The following DLGAP1 variants were observed in gnomAD, a reference collection of about 807,000 sequenced individuals.
DLGAP1 encodes DLG associated protein 1, also known as disks large-associated protein 1.
A neutral mutation model predicts 90.8 loss-of-function variants in DLGAP1; 11 were observed. That is an observed-to-expected ratio of 0.12 (90% CI 0.08 to 0.20). DLGAP1 has a LOEUF of 0.20. Among genes scored for constraint, DLGAP1 ranks in the 10% least tolerant of loss-of-function variants. The pLI, the probability that DLGAP1 is intolerant of heterozygous loss-of-function variation, is 1.00. For missense variants in DLGAP1, 1,050 were observed against 1,333.8 expected (o/e 0.79, Z 3.31); for synonymous variants, 558 against 540.7 (o/e 1.03, Z -0.44).
In DLGAP1 at chr18:3,900,780, T is replaced by C. The variant is rs796852111; in HGVS notation, c.-72-20640A>G. On this transcript the variant is annotated intron_variant, in intron 3 of 12. Coordinates refer to ENST00000315677, the MANE Select transcript of DLGAP1 (RefSeq NM_004746.4). ...TATTTTCTTCAATGTGGGAGTTTGA[T>C]GTAACAGAATCCCGCCTTTGGATAT... Among the ~76,000 whole-genome samples, 5 of 152,322 alleles carry C rather than the reference T, an allele frequency of 3.3e-5. No individual in the cohort carries two copies. In the South Asian group the frequency reaches 8.3e-4, roughly 25 times the overall value.
At chr18:3,600,983 TATAGATATATAGATATATAGATATAG>T (rs1326786647) in intron 7 of DLGAP1, among the ~76,000 whole-genome samples, 7 of 76,024 alleles carry the variant, frequency 9.2e-5, no homozygotes, top group African/African-American at 1.3e-4. Context: ...GATATATAGA[TATAGATATATAGATATATAGATATAG>T]ATAGATATAT....
chr18:4,017,220 C>T (rs1366673580), intron 2 of DLGAP1, among the ~76,000 whole-genome samples: 1 of 152,186 alleles, frequency 6.6e-6, no homozygotes, highest in Non-Finnish European at 1.5e-5. Context: ...TTCCCTCACT[C>T]CTCCTTCTCT....
rs772484056 is a variant in DLGAP1, at chr18:3,561,383, CCAAGATCCTGCCACTATACT to C, written c.2057+6087_2057+6106del. Among the ~76,000 whole-genome samples, 952 of 141,078 alleles carry C rather than the reference CCAAGATCCTGCCACTATACT, an allele frequency of 6.7e-3. 9 individuals carry two copies. Among genetic ancestry groups the C allele is most frequent in the Non-Finnish European group, 0.011 (755 of 67,074 alleles). 92.6% of individuals were successfully genotyped at this position (141,078 alleles called of 152,430 possible). On this transcript the variant is annotated intron_variant, in intron 9 of 12. Transcript: ENST00000315677. ...CCTGGGAGGTGGAGGTTGCAGTGAG[CCAAGATCCTGCCACTATACT>C]CCTTCCTGGGCGACAGAGCAAGACT...
chr18:4,071,648 C>T (rs373959335), intron 2 of DLGAP1, among the ~76,000 whole-genome samples: 193 of 152,210 alleles, frequency 1.3e-3, no homozygotes, highest in Non-Finnish European at 2.1e-3. Flanking sequence ...TCACAATGTA[C>T]GATAATGACA....
At chr18:3,519,423 C>T (rs629516) in intron 10 of DLGAP1, among the ~76,000 whole-genome samples, 111,310 of 152,060 alleles carry the variant, frequency 0.73, 40,872 homozygotes, top group Admixed American at 0.8. Flanking sequence ...TGGTTACCTC[C>T]CTCTCTAACT....
intron 12 of DLGAP1, among the ~76,000 whole-genome samples, chr18:3,501,518 C>G (rs148198546): frequency 1.4e-4 from 21 of 152,288 alleles, no homozygotes; most frequent in East Asian, 1.4e-3. Context: ...CTGTCACTTA[C>G]AGATGGTCCC....
At chr18:3,602,089 G>A (rs1374300274) in intron 7 of DLGAP1, among the ~76,000 whole-genome samples, 1 of 152,106 alleles carries the variant, frequency 6.6e-6, no homozygotes, top group African/African-American at 2.4e-5. Context: ...TGGCAGCTCC[G>A]TGCTATGTAC....
At chr18:4,257,229 T>C (rs952188206) in intron 1 of DLGAP1, among the ~76,000 whole-genome samples, 5 of 152,066 alleles carry the variant, frequency 3.3e-5, no homozygotes, top group Non-Finnish European at 5.9e-5. Flanking sequence ...GTGAGAGAAA[T>C]ATTGAGTGAA....
intron 4 of DLGAP1, among the ~76,000 whole-genome samples, chr18:3,826,701 G>T (rs1482446907): frequency 1.3e-5 from 2 of 152,158 alleles, no homozygotes; most frequent in Admixed American, 1.3e-4. Flanking sequence ...TAAGGGCTGT[G>T]GCATGTACTT....
intron 2 of DLGAP1, among the ~76,000 whole-genome samples, chr18:4,065,350 G>C (rs2075356264): frequency 6.6e-6 from 1 of 152,004 alleles, no homozygotes; most frequent in Non-Finnish European, 1.5e-5. Flanking sequence ...AGAAATAAAG[G>C]GCATTTAAAT....
chr18:3,730,128 C>T (rs2147472053), intron 6 of DLGAP1, among the ~76,000 whole-genome samples: 1 of 152,242 alleles, frequency 6.6e-6, no homozygotes, highest in East Asian at 1.9e-4. Flanking sequence ...GTGGCTCGCA[C>T]CTATTACCCA....
intron 3 of DLGAP1, among the ~76,000 whole-genome samples, chr18:3,926,443 C>G (rs912747201): frequency 1.2e-4 from 18 of 150,498 alleles, no homozygotes; most frequent in African/African-American, 4.4e-4. Flanking sequence ...CACACACACA[C>G]ACATGCATGT....
At chr18:4,338,564 G>C (rs2081121478) in intron 1 of DLGAP1, among the ~76,000 whole-genome samples, 1 of 152,180 alleles carries the variant, frequency 6.6e-6, no homozygotes. Flanking sequence ...CTGTGGCTCA[G>C]AGAAAGTATA....
intron 9 of DLGAP1, among the ~76,000 whole-genome samples, chr18:3,541,483 G>A (rs1244847116): frequency 2.0e-5 from 3 of 152,170 alleles, no homozygotes; most frequent in Admixed American, 2.0e-4. Context: ...AATTTCAAGG[G>A]TGGGTACTGG....
chr18:4,154,595 T>C (rs2076725720), intron 1 of DLGAP1, among the ~76,000 whole-genome samples: 2 of 152,034 alleles, frequency 1.3e-5, no homozygotes, highest in Non-Finnish European at 2.9e-5. Context: ...GGAACACCTA[T>C]ATTTTCATCA....
intron 1 of DLGAP1, among the ~76,000 whole-genome samples, chr18:4,396,143 A>C (rs1288838927): frequency 6.6e-6 from 1 of 152,202 alleles, no homozygotes; most frequent in Non-Finnish European, 1.5e-5. Context: ...ATGACTTAGT[A>C]AGAGCAAATA....
chr18:3,515,972 C>T, intron 10 of DLGAP1, among the ~76,000 whole-genome samples: 1 of 152,044 alleles, frequency 6.6e-6, no homozygotes, highest in East Asian at 1.9e-4. Flanking sequence ...CTCCTCTGTT[C>T]AAGTTTGATC....
At position 4,389,137 on chromosome 18, in the gene DLGAP1, A is replaced by G. The variant is rs376392285; in HGVS notation, c.-267+65869T>C. ...TGATCATTGATGGATGAATGGATGA[A>G]CAAAATATGATATATAGAAACTATG... On this transcript the variant is annotated intron_variant, in intron 1 of 12. Transcript: ENST00000315677. Among the ~76,000 whole-genome samples the G allele has an allele frequency of 2.6e-5, 4 of 152,348 alleles. No homozygotes were observed. The East Asian group carries it at 5.8e-4, about 22-fold the overall frequency.
At chr18:4,232,098 AT>A (rs2078311739) in intron 1 of DLGAP1, among the ~76,000 whole-genome samples, 1 of 152,168 alleles carries the variant, frequency 6.6e-6, no homozygotes, top group Non-Finnish European at 1.5e-5. Context: ...TCACGGATTC[AT>A]TTTGTCACAT....
Sources: gnomAD v4.1 joint callset for allele counts (sites outside exome capture counted in the v4.1 genomes callset) on GRCh38, gnomAD v4.1.1 for gene constraint, MANE v1.5 for transcripts, NCBI Gene and HGNC (gene_info 2026-07-23, HGNC 2026-07-21) for gene names.